Variants in CHRM2 observed in about 807,000 individuals in gnomAD.
CHRM2 encodes cholinergic receptor muscarinic 2.
CHRM2 carries 8 observed loss-of-function variants against 25.0 expected under a neutral mutation model. The observed-to-expected ratio is 0.32, with a 90% CI of 0.19 to 0.58. The LOEUF (loss-of-function observed/expected upper bound fraction) is 0.58. Ranked by LOEUF, CHRM2 falls within the 20% of genes least tolerant of loss-of-function variation. The pLI, the probability that CHRM2 is intolerant of heterozygous loss-of-function variation, is 0.88. For synonymous variants in CHRM2, 202 were observed against 205.7 expected (o/e 0.98, Z 0.15); for missense variants, 440 against 567.1 (o/e 0.78, Z 2.28).
At chr7:136,892,826 C>T (rs914395937) in intron 2 of CHRM2, among the ~76,000 whole-genome samples, 13 of 151,968 alleles carry the variant, frequency 8.6e-5, no homozygotes, top group South Asian at 2.1e-4. Context: ...CATGCCACCA[C>T]GCCTGGCTAA....
chr7:136,934,396 C>A (rs1156615670), intron 2 of CHRM2, among the ~76,000 whole-genome samples: 1 of 151,960 alleles, frequency 6.6e-6, no homozygotes, highest in Non-Finnish European at 1.5e-5. Flanking sequence ...GCCTTGATGA[C>A]TAAAATTATT....
At chr7:136,948,148 T>G (rs1335609829) in intron 2 of CHRM2, among the ~76,000 whole-genome samples, 1 of 152,108 alleles carries the variant, frequency 6.6e-6, no homozygotes, top group African/African-American at 2.4e-5. Context: ...AAAGAGCCAG[T>G]GGCCCACATC....
At chr7:137,009,411 T>C (rs1804660625) in intron 3 of CHRM2, among the ~76,000 whole-genome samples, 1 of 152,080 alleles carries the variant, frequency 6.6e-6, no homozygotes, top group Admixed American at 6.6e-5. Flanking sequence ...ATTTTTTGAA[T>C]CTTAAATGTC....
At chr7:136,918,163 G>A (rs1215624391) in intron 2 of CHRM2, among the ~76,000 whole-genome samples, 8 of 151,956 alleles carry the variant, frequency 5.3e-5, no homozygotes, top group Admixed American at 5.3e-4. Context: ...ACTGAAACTC[G>A]GTGCTGTTCA....
At chr7:136,954,314 C>A (rs1800592296) in intron 2 of CHRM2, among the ~76,000 whole-genome samples, 1 of 152,150 alleles carries the variant, frequency 6.6e-6, no homozygotes, top group South Asian at 2.1e-4. Context: ...AGTAGGTACA[C>A]ACATGTGTTT....
At chr7:136,943,180 T>A (rs373350157) in intron 2 of CHRM2, among the ~76,000 whole-genome samples, 1 of 152,306 alleles carries the variant, frequency 6.6e-6, no homozygotes, top group South Asian at 2.1e-4. Context: ...TTAGCTGTCA[T>A]CTGCCTCCTG....
At chr7:136,928,720 T>C (rs780015060) in intron 2 of CHRM2, among the ~76,000 whole-genome samples, 2 of 152,190 alleles carry the variant, frequency 1.3e-5, no homozygotes, top group African/African-American at 2.4e-5. Flanking sequence ...TGCTGCATAC[T>C]GGAAAGAGCC....
chr7:136,948,475 A>G (rs1438185130), intron 2 of CHRM2, among the ~76,000 whole-genome samples: 1 of 152,200 alleles, frequency 6.6e-6, no homozygotes, highest in Non-Finnish European at 1.5e-5. Context: ...AGAGGTCACA[A>G]AAATCTTAGT....
intron 2 of CHRM2, among the ~76,000 whole-genome samples, chr7:136,960,430 G>A (rs1054008723): frequency 3.3e-5 from 5 of 152,184 alleles, no homozygotes; most frequent in African/African-American, 4.8e-5. Context: ...AGAAACAAAC[G>A]TGGCTAAGCC....
intron 2 of CHRM2, among the ~76,000 whole-genome samples, chr7:136,985,249 C>T (rs984556555): frequency 8.5e-5 from 13 of 152,206 alleles, no homozygotes; most frequent in Non-Finnish European, 1.5e-4. Flanking sequence ...CCTTGGCTCA[C>T]GCCTGTAATC....
At chr7:136,886,364 A>G (rs573816294) in intron 2 of CHRM2, among the ~76,000 whole-genome samples, 1 of 152,238 alleles carries the variant, frequency 6.6e-6, no homozygotes, top group East Asian at 1.9e-4. Flanking sequence ...ATATGTGTAC[A>G]GTAAAGCAAG....
chr7:136,918,162 C>T (rs1035719720), intron 2 of CHRM2, among the ~76,000 whole-genome samples: 3 of 152,036 alleles, frequency 2.0e-5, no homozygotes, highest in Admixed American at 6.6e-5. Flanking sequence ...CACTGAAACT[C>T]GGTGCTGTTC....
At chr7:136,944,748 T>C (rs1563081839) in intron 2 of CHRM2, among the ~76,000 whole-genome samples, 2 of 152,042 alleles carry the variant, frequency 1.3e-5, no homozygotes, top group Admixed American at 6.6e-5. Flanking sequence ...AATCGCCACA[T>C]TGTTTTCCGT....
intron 2 of CHRM2, among the ~76,000 whole-genome samples, chr7:136,951,547 CTGAT>C (rs1449434515): frequency 2.6e-5 from 4 of 152,088 alleles, no homozygotes; most frequent in African/African-American, 9.7e-5. Context: ...TCTTCCCTCT[CTGAT>C]TGCAAATAAG....
rs376047803 is a variant in CHRM2, at chr7:136,938,720, C to T, written c.-124-53467C>T. On this transcript the variant is annotated intron_variant, in intron 2 of 3. Coordinates refer to ENST00000680005, the MANE Select transcript of CHRM2 (RefSeq NM_001006630.2). ...GGACACCTTGTAGGACTGTACCCCT[C>T]CTGCGCTGCCCCAGAGCCTGGGAGG... Among the ~76,000 whole-genome samples, 44 of 152,112 alleles carry T rather than the reference C, an allele frequency of 2.9e-4. 1 individual carries two copies. Among genetic ancestry groups the T allele is most frequent in the African/African-American group, 1.0e-3 (42 of 41,504 alleles).
intron 2 of CHRM2, among the ~76,000 whole-genome samples, chr7:136,929,592 A>G (rs1312055196): frequency 2.6e-5 from 4 of 152,016 alleles, no homozygotes; most frequent in Non-Finnish European, 5.9e-5. Context: ...TCTTTCCCAC[A>G]TAAGAGCTGT....
intron 2 of CHRM2, among the ~76,000 whole-genome samples, chr7:136,979,862 T>C (rs555542032): frequency 2.1e-4 from 32 of 152,322 alleles, no homozygotes; most frequent in African/African-American, 7.7e-4. Context: ...GTAGTATAGT[T>C]TGAAGTCAAG....
At chr7:137,005,312 G>T in intron 3 of CHRM2, among the ~76,000 whole-genome samples, 1 of 152,064 alleles carries the variant, frequency 6.6e-6, no homozygotes. Context: ...CATAAGCAAT[G>T]CAGCCTTAAG....
chr7:136,980,099 T>C (rs913230685), intron 2 of CHRM2, among the ~76,000 whole-genome samples: 11 of 152,234 alleles, frequency 7.2e-5, no homozygotes, highest in African/African-American at 2.7e-4. Context: ...TTTCCATTTG[T>C]TTGTGTCCTC....
Sources: gnomAD v4.1 joint callset for allele counts (sites outside exome capture counted in the v4.1 genomes callset) on GRCh38, gnomAD v4.1.1 for gene constraint, MANE v1.5 for transcripts, NCBI Gene and HGNC (gene_info 2026-07-23, HGNC 2026-07-21) for gene names.